RANBP2: variants seen among roughly 807,000 people sequenced by gnomAD.
The protein encoded by RANBP2 is RAN binding protein 2, also known as E3 SUMO-protein ligase RanBP2.
A neutral mutation model predicts 303.6 loss-of-function variants in RANBP2; 57 were observed. That is an observed-to-expected ratio of 0.19 (90% confidence interval 0.15 to 0.23). The LOEUF (loss-of-function observed/expected upper bound fraction) is 0.23. Among genes scored for constraint, RANBP2 ranks in the 10% least tolerant of loss-of-function variants. RANBP2 has a pLI of 1.00. For synonymous variants in RANBP2, 1,167 were observed against 1,301.5 expected (o/e 0.90, Z 2.23); for missense variants, 3,138 against 3,780.8 (o/e 0.83, Z 4.46).
At position 108,751,605 on chromosome 2, in the gene RANBP2, G is replaced by A; in HGVS notation, c.1533G>A (p.Gln511=). The A allele has an allele frequency of 6.2e-7, 1 of 1,610,838 alleles. No individual in the cohort carries two copies. Among genetic ancestry groups the A allele is most frequent in the Non-Finnish European group, 8.5e-7 (1 of 1,179,174 alleles). The part of the protein sequence containing the change: ...EKCNSHHSSY[Q]PLCLPLPVCK... Reference sequence around the variant, plus strand: ...GTAATTCTCACCACAGCTCCTATCAGCCGTTATGCCTGCCCCTTCCTGTGT... The same window carrying A: ...GTAATTCTCACCACAGCTCCTATCAACCGTTATGCCTGCCCCTTCCTGTGT... The change falls in exon 11 of 29, where the codon CAG becomes CAA. Residue 511 remains glutamine, a synonymous_variant. Transcript: ENST00000283195.
chr2:108,820,637 C>T, the RANBP2 span, among the ~76,000 whole-genome samples: 4 of 147,508 alleles, frequency 2.7e-5, no homozygotes, highest in Admixed American at 2.0e-4. Flanking sequence ...ATAAGAATTT[C>T]AGCAGATTTC....
At chr2:109,447,448 A>G in the RANBP2 span, among the ~76,000 whole-genome samples, 3 of 152,108 alleles carry the variant, frequency 2.0e-5, no homozygotes, top group Non-Finnish European at 4.4e-5. Flanking sequence ...TATTGCATGT[A>G]TTTTCTTTCA....
the RANBP2 span, among the ~76,000 whole-genome samples, chr2:109,264,890 C>T: frequency 6.6e-6 from 1 of 152,230 alleles, no homozygotes; most frequent in Non-Finnish European, 1.5e-5. Flanking sequence ...TTATGTTTCC[C>T]AGACATCTCA....
intron 18 of RANBP2, among the ~76,000 whole-genome samples, chr2:108,760,907 C>A (rs2557904): frequency 3.9e-5 from 6 of 151,966 alleles, no homozygotes; most frequent in African/African-American, 7.3e-5. Flanking sequence ...TTCAGTTTGC[C>A]CAATGCAACC....
the RANBP2 span, among the ~76,000 whole-genome samples, chr2:109,523,802 TA>T: frequency 6.6e-6 from 1 of 152,162 alleles, no homozygotes; most frequent in Non-Finnish European, 1.5e-5. Flanking sequence ...CCATTGAGGC[TA>T]ATACCTCAGA....
At chr2:109,427,258 C>T in the RANBP2 span, among the ~76,000 whole-genome samples, 6 of 152,112 alleles carry the variant, frequency 3.9e-5, no homozygotes, top group African/African-American at 9.7e-5. Flanking sequence ...CGTGAGTCAC[C>T]GTGCCTGGAC....
At chr2:109,426,470 G>T in the RANBP2 span, among the ~76,000 whole-genome samples, 1 of 152,166 alleles carries the variant, frequency 6.6e-6, no homozygotes, top group African/African-American at 2.4e-5. Context: ...AACAGCAAGA[G>T]AACTAGAATT....
the RANBP2 span, among the ~76,000 whole-genome samples, chr2:109,290,609 T>C: frequency 6.6e-6 from 1 of 152,230 alleles, no homozygotes; most frequent in Non-Finnish European, 1.5e-5. Flanking sequence ...TCCTAAGTCT[T>C]CTTGAAGCCT....
At chr2:109,372,536 TCA>T in the RANBP2 span, among the ~76,000 whole-genome samples, 1 of 152,238 alleles carries the variant, frequency 6.6e-6, no homozygotes, top group East Asian at 1.9e-4. Context: ...TTTAATCTTC[TCA>T]GCAACACTGG....
the RANBP2 span, among the ~76,000 whole-genome samples, chr2:109,029,072 A>T: frequency 2.6e-5 from 4 of 152,048 alleles, no homozygotes; most frequent in Admixed American, 2.6e-4. Context: ...GGCGTGAGGC[A>T]CTGTGCCCGG....
chr2:109,606,469 G>A, the RANBP2 span, among the ~76,000 whole-genome samples: 2 of 152,142 alleles, frequency 1.3e-5, no homozygotes, highest in East Asian at 3.9e-4. Context: ...ACTTGCCATG[G>A]TGAATGCACT....
chr2:109,236,892 A>G, the RANBP2 span, among the ~76,000 whole-genome samples: 1 of 152,202 alleles, frequency 6.6e-6, no homozygotes, highest in Non-Finnish European at 1.5e-5. Flanking sequence ...CTTACAGCTC[A>G]GGGGACAAGG....
At chr2:109,249,284 C>T in the RANBP2 span, among the ~76,000 whole-genome samples, 24 of 152,150 alleles carry the variant, frequency 1.6e-4, no homozygotes, top group African/African-American at 5.8e-4. Flanking sequence ...AAGAAGAGGG[C>T]CTGAGCAGTG....
the RANBP2 span, among the ~76,000 whole-genome samples, chr2:109,171,354 C>T: frequency 1.3e-5 from 2 of 152,132 alleles, no homozygotes; most frequent in African/African-American, 2.4e-5. Flanking sequence ...TTTGTCATCT[C>T]TATACAAAAT....
At chr2:109,703,660 C>A in the RANBP2 span, among the ~76,000 whole-genome samples, 1 of 152,122 alleles carries the variant, frequency 6.6e-6, no homozygotes. Flanking sequence ...AACTCCTGAC[C>A]TCAGGTGATC....
At chr2:108,868,649 T>A in the RANBP2 span, among the ~76,000 whole-genome samples, 12,092 of 152,198 alleles carry the variant, frequency 0.079, 714 homozygotes, top group Middle Eastern at 0.16. Flanking sequence ...TGCTGAGAGT[T>A]TCTGGGAAAC....
chr2:109,005,014 C>G, the RANBP2 span, among the ~76,000 whole-genome samples: 1 of 152,180 alleles, frequency 6.6e-6, no homozygotes, highest in African/African-American at 2.4e-5. Context: ...CAGGCCCAGT[C>G]TGATGGGTTT....
the RANBP2 span, among the ~76,000 whole-genome samples, chr2:109,603,608 G>C: frequency 6.6e-6 from 1 of 152,104 alleles, no homozygotes; most frequent in African/African-American, 2.4e-5. Context: ...GTGGATCGAA[G>C]CTGTATAAAT....
the RANBP2 span, among the ~76,000 whole-genome samples, chr2:109,167,325 T>G: frequency 6.6e-6 from 1 of 152,212 alleles, no homozygotes; most frequent in Non-Finnish European, 1.5e-5. Context: ...ACAAGACTTC[T>G]CAGCACTTGC....
Sources: gnomAD v4.1 joint callset for allele counts (sites outside exome capture counted in the v4.1 genomes callset) on GRCh38, gnomAD v4.1.1 for gene constraint, MANE v1.5 for transcripts, NCBI Gene and HGNC (gene_info 2026-07-23, HGNC 2026-07-21) for gene names.